INCA1: variants seen among roughly 807,000 people sequenced by gnomAD.
INCA1 encodes the protein inhibitor of CDK, cyclin A1 interacting protein 1.
In INCA1, 28 loss-of-function variants were observed where a neutral mutation model predicts 25.7. The observed-to-expected ratio is 1.09, with a 90% CI of 0.81 to 1.49. The LOEUF (loss-of-function observed/expected upper bound fraction) is 1.49. INCA1 is among the 40% of genes most tolerant of loss of function. The pLI, the probability that INCA1 is intolerant of heterozygous loss-of-function variation, is 0.00. For missense variants in INCA1, 309 were observed against 290.9 expected, an observed-to-expected ratio of 1.06 and a Z score of -0.45; for synonymous variants, 111 against 103.6, an observed-to-expected ratio of 1.07 and a Z score of -0.43.
intron 2 of INCA1, among the ~76,000 whole-genome samples, chr17:4,992,484 A>G (rs963942979): frequency 3.9e-5 from 6 of 152,010 alleles, no homozygotes; most frequent in Admixed American, 3.9e-4. Flanking sequence ...AGGTCTCACT[A>G]TGTTGCCCAG....
chr17:4,989,368 A>C, intron 5 of INCA1, 60 bp downstream of exon 5: 1 of 1,514,950 alleles, frequency 6.6e-7, no homozygotes, highest in Non-Finnish European at 9.0e-7. Context: ...TCCTTAGCTC[A>C]AACTGTTCTG....
intron 5 of INCA1, 76 bp downstream of exon 5, chr17:4,989,352 A>G (rs981234699): frequency 5.6e-5 from 79 of 1,404,966 alleles, no homozygotes; most frequent in Middle Eastern, 4.0e-4. Context: ...AAAGCTGTCA[A>G]CCCCTTCCTT....
At chr17:4,989,722 AC>A in intron 4 of INCA1, 98 bp from the exon 5 acceptor site, 1 of 1,556,250 alleles carries the variant, frequency 6.4e-7, no homozygotes, top group Non-Finnish European at 8.9e-7. Flanking sequence ...TCTTGGGAAG[AC>A]CCCTGTGATC....
upstream of INCA1, chr17:4,997,463 C>T (rs1974375790): frequency 2.0e-5 from 3 of 152,196 alleles, no homozygotes; most frequent in African/African-American, 7.2e-5. Flanking sequence ...CCCGAGTAGC[C>T]GCGCCACGGC....
At chr17:4,988,600 T>G in intron 6 of INCA1, 46 bp from the exon 7 acceptor site, 3 of 1,603,096 alleles carry the variant, frequency 1.9e-6, no homozygotes, top group Admixed American at 1.8e-5. Context: ...AAAGTAGGTC[T>G]TCTTTCCAGA....
chr17:4,990,239 G>A (rs957497712), exon 3 of INCA1: 4 of 1,613,910 alleles, frequency 2.5e-6, no homozygotes, highest in Non-Finnish European at 3.4e-6. Flanking sequence ...CCTTGGGGGT[G>A]GAGATCGGCT....
In INCA1 at chr17:4,988,418, G is replaced by A. The variant is rs201669845; in HGVS notation, c.698C>T (p.Ala233Val). 7.5e-6 allele frequency: 12 copies of A among 1,602,496 alleles called. No homozygotes were observed. The Admixed American group carries it at 1.6e-4, about 21-fold the overall frequency. Residue 233 changes from alanine to valine, a missense_variant, in exon 7 of 7, where the codon GCG (alanine) becomes GTG (valine). Transcript: ENST00000576820. ...GGTGGTTTCTCCTTACTCTTCAGAC[G>A]CTGCCAACTCCATCCCCCAGGGATT...
At chr17:4,993,858 G>A (rs181540617) in intron 2 of INCA1, among the ~76,000 whole-genome samples, 1 of 141,238 alleles carries the variant, frequency 7.1e-6, no homozygotes, top group East Asian at 2.1e-4. Context: ...TGCAACCCCT[G>A]CCTCCTGGGT....
At chr17:4,995,622 T>G (rs1974187088) in intron 1 of INCA1, among the ~76,000 whole-genome samples, 1 of 151,094 alleles carries the variant, frequency 6.6e-6, no homozygotes. Flanking sequence ...CAGAGAGACG[T>G]CATCTCTATT....
At chr17:4,994,473 G>A in exon 2 of INCA1, 2 of 1,610,114 alleles carry the variant, frequency 1.2e-6, no homozygotes, top group East Asian at 2.2e-5. Context: ...CTCCTTTTTG[G>A]TGCTGGGAGG....
At chr17:4,990,608 G>A (rs761620688) in intron 2 of INCA1, among the ~76,000 whole-genome samples, 1 of 152,088 alleles carries the variant, frequency 6.6e-6, no homozygotes, top group Admixed American at 6.6e-5. Context: ...CTGGCCGGGC[G>A]TGGTGGCTCA....
Position 4,994,426 on chromosome 17 carries a change from C to T in INCA1, c.12G>A (p.Gln4=), listed in dbSNP as rs150136356. ...AGGGGATGAGGTTGACTCCATCATC[C>T]TGCACCTGCATGACTGGACGGGGCT... Residue 4 remains glutamine, a synonymous_variant, in exon 2 of 7, where the codon CAG becomes CAA. Transcript: ENST00000576820. 111 of 1,613,736 alleles carry T rather than the reference C, an allele frequency of 6.9e-5. 1 individual carries two copies. In the East Asian group the frequency reaches 2.0e-3, roughly 29 times the overall value.
In INCA1 at chr17:4,988,399, T is replaced by G. The variant is rs1269928720; in HGVS notation, c.*6A>C. The G allele has an allele frequency of 3.8e-6, 6 of 1,586,970 alleles. No homozygotes were observed. The South Asian group carries it at 6.8e-5, about 18-fold the overall frequency. On this transcript the variant is annotated 3_prime_UTR_variant, in exon 7 of 7. Transcript: ENST00000576820. ...CCACTAGCCTCTCGGCATCGGTGGT[T>G]TCTCCTTACTCTTCAGACGCTGCCA...
chr17:4,988,533 G>C (rs376773546), exon 7 of INCA1: 1 of 1,611,022 alleles, frequency 6.2e-7, no homozygotes, highest in Non-Finnish European at 8.5e-7. Context: ...TGATCCAGGG[G>C]GCTCCAGGGA....
intron 4 of INCA1, 91 bp from the exon 5 acceptor site, chr17:4,989,715 T>C (rs1036547980): frequency 8.3e-6 from 13 of 1,563,840 alleles, no homozygotes; most frequent in African/African-American, 8.1e-5. Context: ...TCTGGGGTCT[T>C]GGGAAGACCC....
At chr17:4,994,470 T>A (rs1398513650) in exon 2 of INCA1, 1 of 1,612,186 alleles carries the variant, frequency 6.2e-7, no homozygotes, top group African/African-American at 1.3e-5. Context: ...AGTCTCCTTT[T>A]TGGTGCTGGG....
In INCA1 at chr17:4,992,930, A is replaced by G. The variant is rs560014559; in HGVS notation, c.44+1464T>C. 7.2e-5 allele frequency among the ~76,000 whole-genome samples: 11 copies of G among 152,266 alleles called. No homozygotes were observed. The East Asian group carries it at 2.1e-3, about 29-fold the overall frequency. ...GTTTCACTCTTGTCGCCCAGGCTGG[A>G]GTGCAATGGCACAGTCTCGGCTCAC... is the stretch of plus-strand genomic sequence containing the variant. On this transcript the variant is annotated intron_variant, in intron 2 of 6. Coordinates refer to ENST00000576820, the Ensembl canonical transcript of INCA1.
At chr17:4,989,600 C>G (rs760695170) in exon 5 of INCA1, 1 of 1,614,036 alleles carries the variant, frequency 6.2e-7, no homozygotes, top group Non-Finnish European at 8.5e-7. Context: ...GGATACAGAC[C>G]AAGCTGGGAG....
intron 6 of INCA1, 107 bp from the exon 7 acceptor site, chr17:4,988,661 G>A (rs426475): frequency 0.49 from 759,743 of 1,558,016 alleles, 193,841 homozygotes; most frequent in Non-Finnish European, 0.54. Flanking sequence ...TCTCACCTAC[G>A]TTATTTTTGT....
Sources: allele counts gnomAD v4.1 joint callset (sites outside exome capture counted in the v4.1 genomes callset), GRCh38; gene constraint gnomAD v4.1.1; transcripts MANE v1.5; gene names NCBI Gene and HGNC (gene_info 2026-07-23, HGNC 2026-07-21).